The following ELL2 variants were observed in gnomAD, a reference collection of about 807,000 sequenced individuals.
ELL2 encodes RNA polymerase II elongation factor ELL2.
In ELL2, 21 loss-of-function variants were observed where a neutral mutation model predicts 72.8. The ratio of observed to expected loss-of-function variants is 0.29; its 90% CI spans 0.20 to 0.42. The LOEUF (loss-of-function observed/expected upper bound fraction) is 0.42. Among genes scored for constraint, ELL2 ranks in the 10% least tolerant of loss-of-function variants. ELL2 has a pLI of 1.00. For missense variants in ELL2, 568 were observed against 772.8 expected (o/e 0.73, Z 3.14); for synonymous variants, 266 against 283.2 (o/e 0.94, Z 0.61).
chr5:95,894,328 A>G (rs1438449988), intron 9 of ELL2, among the ~76,000 whole-genome samples: 1 of 152,238 alleles, frequency 6.6e-6, no homozygotes, highest in Admixed American at 6.5e-5. Flanking sequence ...ATTGTTTTTT[A>G]GTTTCCCCAC....
chr5:95,914,278 T>G (rs1252019382), intron 3 of ELL2, among the ~76,000 whole-genome samples: 1 of 152,120 alleles, frequency 6.6e-6, no homozygotes, highest in East Asian at 1.9e-4. Flanking sequence ...CTAACACTGA[T>G]ATGAGGAAAG....
chr5:95,951,793 G>T lies in ELL2; in HGVS notation c.148-8744C>A, dbSNP rs1751416150. On this transcript the variant is annotated intron_variant, in intron 1 of 11. Transcript: ENST00000237853. ...CCTCGAAGTTTATGGCAGTGATCCT[G>T]AGGAGAGATGATGGTAACTGGGACT... Among the ~76,000 whole-genome samples the T allele has an allele frequency of 3.3e-5, 5 of 152,330 alleles. 1 individual carries two copies. The South Asian group carries it at 1.0e-3, about 32-fold the overall frequency.
Position 95,898,430 on chromosome 5 carries a change from T to C in ELL2, c.1335A>G (p.Leu445=), listed in dbSNP as rs756595083. 5 of 1,613,602 alleles carry C rather than the reference T, an allele frequency of 3.1e-6. No homozygotes were observed. The highest frequency in any genetic ancestry group is 1.1e-5 in the South Asian group (1 of 91,060). Residue 445 remains leucine, a synonymous_variant, in exon 8 of 12, where the codon CTA becomes CTG. Transcript: ENST00000237853. Reference sequence around the variant, plus strand: ...TTTCTTCCATAGGCTTTGGACACTTTAGTAGAACGGAACCAGGGGGTAAGG... The same window carrying C: ...TTTCTTCCATAGGCTTTGGACACTTCAGTAGAACGGAACCAGGGGGTAAGG... The part of the protein sequence containing the change: ...LETLPPGSVL[L]KCPKPMEENH...
At chr5:95,940,121 C>G (rs1401049888) in intron 2 of ELL2, among the ~76,000 whole-genome samples, 1 of 152,150 alleles carries the variant, frequency 6.6e-6, no homozygotes, top group Non-Finnish European at 1.5e-5. Context: ...CTTTCTGAAT[C>G]CAGAAAATGC....
At chr5:95,905,142 G>A (rs960350126) in intron 5 of ELL2, among the ~76,000 whole-genome samples, 2 of 152,012 alleles carry the variant, frequency 1.3e-5, no homozygotes, top group African/African-American at 4.8e-5. Context: ...TATGTTACCA[G>A]GATGAGATGA....
Position 95,894,175 on chromosome 5 carries a change from G to C in ELL2, c.1589+1453C>G, listed in dbSNP as rs138963560. Among the ~76,000 whole-genome samples, 169 of 152,326 alleles carry C rather than the reference G, an allele frequency of 1.1e-3. 1 individual carries two copies. Among genetic ancestry groups the C allele is most frequent in the Middle Eastern group, 0.01 (3 of 294 alleles). On this transcript the variant is annotated intron_variant, in intron 9 of 11. Transcript: ENST00000237853. ...GCTCCGCTTGAACCCTGGAGGTGGA[G>C]GTTGCAGTGAGCCGAGGTCGCACCA...
rs1561504251 is a variant in ELL2, at chr5:95,927,410, T to TACAC, written c.196-7866_196-7865insGTGT. 1.6e-4 allele frequency among the ~76,000 whole-genome samples: 7 copies of TACAC among 42,822 alleles called. 1 individual carries two copies. Among genetic ancestry groups the TACAC allele is most frequent in the Non-Finnish European group, 2.8e-4 (7 of 25,362 alleles). 28.1% of individuals were successfully genotyped at this position (42,822 alleles called of 152,430 possible). ...GTGTATATATAGACATACACACACG[T>TACAC]GTGTATATAGACATACACACACACG... On this transcript the variant is annotated intron_variant, in intron 2 of 11. Transcript: ENST00000237853.
At chr5:95,921,077 G>C (rs1202598085) in intron 2 of ELL2, among the ~76,000 whole-genome samples, 1 of 152,048 alleles carries the variant, frequency 6.6e-6, no homozygotes, top group Non-Finnish European at 1.5e-5. Context: ...TGACCTATAG[G>C]AAAGAACTGC....
chr5:95,948,808 A>G (rs1363238223), intron 1 of ELL2, among the ~76,000 whole-genome samples: 1 of 152,222 alleles, frequency 6.6e-6, no homozygotes. Context: ...TAAGAGAGTT[A>G]TCTTGTATCT....
chr5:95,959,390 G>GT (rs1751731160), intron 1 of ELL2, among the ~76,000 whole-genome samples: 1 of 152,136 alleles, frequency 6.6e-6, no homozygotes, highest in Non-Finnish European at 1.5e-5. Context: ...GGGCCTCTGG[G>GT]TTTTCTCTTC....
chr5:95,904,624 C>A (rs113515960), intron 5 of ELL2, among the ~76,000 whole-genome samples: 1 of 152,230 alleles, frequency 6.6e-6, no homozygotes, highest in African/African-American at 2.4e-5. Flanking sequence ...ATTATCTCTA[C>A]TGGCACAGGC....
Position 95,888,215 on chromosome 5 carries a change from A to C in ELL2, c.*656T>G, listed in dbSNP as rs1748528160. 6.6e-6 allele frequency: 1 copy of C among 152,628 alleles called. No individual in the cohort carries two copies. Among genetic ancestry groups the C allele is most frequent in the African/African-American group, 2.4e-5 (1 of 41,430 alleles). The allele number at this position is 152,628 out of a possible 1,614,324, so 9.5% of individuals were successfully genotyped here. A position where few individuals can be genotyped will look rare whatever the true frequency, so the allele number is the denominator to read the frequency against. On this transcript the variant is annotated 3_prime_UTR_variant, in exon 12 of 12. Coordinates refer to ENST00000237853, the MANE Select transcript of ELL2 (RefSeq NM_012081.6). ...GCTAATGATTAACCACACTATGTAC[A>C]CAACTAGCAAACACCTTAAGGCAAC...
chr5:95,890,974 A>C (rs1223258918), intron 10 of ELL2, 129 bp downstream of exon 10: 1 of 1,015,278 alleles, frequency 9.8e-7, no homozygotes, highest in Non-Finnish European at 1.5e-6. Context: ...AGTTTCCTAA[A>C]GCAGCAGCGA....
chr5:95,900,742 C>T lies in ELL2; in HGVS notation c.905G>A (p.Arg302His), dbSNP rs1245112084. The change falls in exon 7 of 12, where the codon CGT (arginine) becomes CAT (histidine). Residue 302 changes from arginine (R) to histidine (H), a missense_variant. By Grantham distance (29) the Arg-to-His change is conservative. Transcript: ENST00000237853. ...ACTAGAACATACAGGAGATTCTGAA[C>T]GGCTGGTGCCTGCAGCATTCTGAGA... ...NPSQNAAGTS[R>H]SESPVCSSRD... The T allele has an allele frequency of 1.2e-5, 19 of 1,609,606 alleles. No homozygotes were observed. Among genetic ancestry groups the T allele is most frequent in the African/African-American group, 2.7e-5 (2 of 74,604 alleles).
chr5:95,894,486 C>A (rs748908156), intron 9 of ELL2, among the ~76,000 whole-genome samples: 7 of 152,184 alleles, frequency 4.6e-5, no homozygotes, highest in Non-Finnish European at 8.8e-5. Context: ...AAGAGGTGAA[C>A]CCCCTCAGCA....
At chr5:95,898,842 G>C in intron 7 of ELL2, 32 bp from the exon 8 acceptor site, 1 of 1,457,304 alleles carries the variant, frequency 6.9e-7, no homozygotes, top group Non-Finnish European at 9.1e-7. Flanking sequence ...AAGTGAGCCA[G>C]TTTGCACTAA....
chr5:95,911,626 G>A (rs1244983653), intron 4 of ELL2, among the ~76,000 whole-genome samples: 2 of 152,208 alleles, frequency 1.3e-5, no homozygotes, highest in Admixed American at 6.5e-5. Flanking sequence ...GATTACAGGC[G>A]TGAGCCATCG....
At position 95,927,394 on chromosome 5, in the gene ELL2, T is replaced by G. The variant is rs527267073; in HGVS notation, c.196-7849A>C. Among the ~76,000 whole-genome samples, 821 of 34,220 alleles carry G rather than the reference T, an allele frequency of 0.024. 121 individuals are homozygous for G. The East Asian group carries it at 0.38, about 16-fold the overall frequency. 22.4% of individuals were successfully genotyped at this position (34,220 alleles called of 152,430 possible). A position where few individuals can be genotyped will look rare whatever the true frequency, so the allele number is the denominator to read the frequency against. On this transcript the variant is annotated intron_variant, in intron 2 of 11. Transcript: ENST00000237853. ...ATACACACACACACGTGTGTATATA[T>G]AGACATACACACACGTGTGTATATA...
intron 2 of ELL2, among the ~76,000 whole-genome samples, chr5:95,922,192 A>G (rs1210720813): frequency 6.6e-6 from 1 of 152,024 alleles, no homozygotes; most frequent in Non-Finnish European, 1.5e-5. Context: ...CCTCCCAAGT[A>G]GCTGGGACTA....
Sources: allele counts gnomAD v4.1 joint callset (sites outside exome capture counted in the v4.1 genomes callset), GRCh38; gene constraint gnomAD v4.1.1; transcripts MANE v1.5; gene names NCBI Gene and HGNC (gene_info 2026-07-23, HGNC 2026-07-21).